Variants in CNTNAP2 observed in about 807,000 individuals in gnomAD.
CNTNAP2 encodes contactin-associated protein-like 2.
In CNTNAP2, 98 loss-of-function variants were observed where a neutral mutation model predicts 155.2. The observed-to-expected ratio is 0.63, with a 90% CI of 0.54 to 0.75. The LOEUF (loss-of-function observed/expected upper bound fraction) is 0.75, where lower values mean the gene tolerates loss of function less well. CNTNAP2 is among the 30% of genes least tolerant of loss of function. CNTNAP2 has a pLI of 0.00. For missense variants in CNTNAP2, 1,727 were observed against 1,688.1 expected (o/e 1.02, Z -0.40); for synonymous variants, 651 against 631.2 (o/e 1.03, Z -0.47).
chr7:146,759,935 T>G (rs1421285926), intron 1 of CNTNAP2, among the ~76,000 whole-genome samples: 7 of 152,106 alleles, frequency 4.6e-5, no homozygotes, highest in African/African-American at 1.7e-4. Flanking sequence ...TATATAAAAA[T>G]AAACCTTCGG....
intron 8 of CNTNAP2, among the ~76,000 whole-genome samples, chr7:147,135,545 A>G (rs1310614527): frequency 6.6e-6 from 1 of 151,818 alleles, no homozygotes; most frequent in Non-Finnish European, 1.5e-5. Context: ...AAAGGGTCTA[A>G]TGAATAATAG....
At chr7:148,232,989 T>C (rs763797618) in intron 20 of CNTNAP2, among the ~76,000 whole-genome samples, 1 of 152,210 alleles carries the variant, frequency 6.6e-6, no homozygotes, top group Non-Finnish European at 1.5e-5. Flanking sequence ...GTAGTAGTTA[T>C]CAGACACCAG....
intron 8 of CNTNAP2, among the ~76,000 whole-genome samples, chr7:147,249,308 A>G (rs1804133108): frequency 6.6e-6 from 1 of 152,122 alleles, no homozygotes; most frequent in Non-Finnish European, 1.5e-5. Flanking sequence ...TCTCAAGTTC[A>G]TGCATATGCA....
At chr7:146,526,552 T>C (rs1002650423) in intron 1 of CNTNAP2, among the ~76,000 whole-genome samples, 1 of 152,118 alleles carries the variant, frequency 6.6e-6, no homozygotes, top group Admixed American at 6.6e-5. Context: ...ACCAAGGGGA[T>C]GGTGCTCAAC....
chr7:146,134,743 G>A lies in CNTNAP2; in HGVS notation c.97+17770G>A, dbSNP rs538334195. Among the ~76,000 whole-genome samples, 757 of 151,698 alleles carry A rather than the reference G, an allele frequency of 5.0e-3. 4 individuals are homozygous for A. The highest frequency in any genetic ancestry group is 0.017 in the African/African-American group (716 of 41,320). On this transcript the variant is annotated intron_variant, in intron 1 of 23. Coordinates refer to ENST00000361727, the MANE Select transcript of CNTNAP2 (RefSeq NM_014141.6). ...GATTTGCGTATATTGAACCAGCCTT[G>A]CATCCCAGGGATGAAGCCCACTTAA...
At chr7:148,013,628 C>G (rs1248904566) in intron 15 of CNTNAP2, among the ~76,000 whole-genome samples, 1 of 152,140 alleles carries the variant, frequency 6.6e-6, no homozygotes, top group East Asian at 1.9e-4. Context: ...TATGCCAACC[C>G]CAGGAAAATC....
intron 12 of CNTNAP2, among the ~76,000 whole-genome samples, chr7:147,588,304 G>A (rs1563010744): frequency 6.6e-6 from 1 of 152,038 alleles, no homozygotes; most frequent in Non-Finnish European, 1.5e-5. Context: ...AGGAGAAGAT[G>A]GGATCATCTC....
At chr7:147,385,821 C>T (rs532924842) in intron 9 of CNTNAP2, among the ~76,000 whole-genome samples, 9 of 152,318 alleles carry the variant, frequency 5.9e-5, no homozygotes, top group African/African-American at 2.2e-4. Flanking sequence ...TAGGCAGTGC[C>T]CCAGTAGAGA....
chr7:147,073,781 G>A (rs190427992), intron 4 of CNTNAP2, among the ~76,000 whole-genome samples: 9 of 152,240 alleles, frequency 5.9e-5, no homozygotes, highest in Admixed American at 5.9e-4. Context: ...ATATTGTCCA[G>A]GAAATTAGTA....
At chr7:146,589,766 T>C (rs1209494771) in intron 1 of CNTNAP2, among the ~76,000 whole-genome samples, 2 of 150,764 alleles carry the variant, frequency 1.3e-5, no homozygotes, top group African/African-American at 4.9e-5. Context: ...CCCCCAAATA[T>C]ATAATGGAAT....
At chr7:146,586,744 G>A (rs556165992) in intron 1 of CNTNAP2, among the ~76,000 whole-genome samples, 2 of 152,254 alleles carry the variant, frequency 1.3e-5, no homozygotes, top group African/African-American at 4.8e-5. Context: ...TTTCAAAGTT[G>A]GTGACAGTTC....
chr7:146,464,185 C>A (rs1367201264), intron 1 of CNTNAP2, among the ~76,000 whole-genome samples: 1 of 90,910 alleles, frequency 1.1e-5, no homozygotes. Context: ...TCCTTTGAAA[C>A]TGTTTTTTTT....
intron 3 of CNTNAP2, among the ~76,000 whole-genome samples, chr7:146,903,334 A>G (rs1585147544): frequency 6.6e-6 from 1 of 152,274 alleles, no homozygotes; most frequent in Non-Finnish European, 1.5e-5. Flanking sequence ...TCTAATTTAT[A>G]ACTCTACCCC....
chr7:147,170,355 C>A (rs1007104058), intron 8 of CNTNAP2, among the ~76,000 whole-genome samples: 1 of 152,010 alleles, frequency 6.6e-6, no homozygotes, highest in African/African-American at 2.4e-5. Flanking sequence ...AGAGGGGTAA[C>A]CCCCTCACCA....
chr7:148,356,731 G>A (rs1321678194), intron 21 of CNTNAP2, among the ~76,000 whole-genome samples: 1 of 151,976 alleles, frequency 6.6e-6, no homozygotes, highest in African/African-American at 2.4e-5. Flanking sequence ...TCTCTCCTGA[G>A]TCCTCACCTT....
At chr7:146,865,646 A>G (rs1316216565) in intron 3 of CNTNAP2, among the ~76,000 whole-genome samples, 2 of 152,186 alleles carry the variant, frequency 1.3e-5, no homozygotes, top group Non-Finnish European at 2.9e-5. Context: ...TGGATCATGT[A>G]CCTAAATGTA....
chr7:148,066,356 C>G (rs1803262167), intron 15 of CNTNAP2, among the ~76,000 whole-genome samples: 1 of 152,178 alleles, frequency 6.6e-6, no homozygotes, highest in South Asian at 2.1e-4. Flanking sequence ...AAGTTTTCCT[C>G]AATTATTTTC....
chr7:146,468,333 C>G (rs747268856), intron 1 of CNTNAP2, among the ~76,000 whole-genome samples: 51 of 151,982 alleles, frequency 3.4e-4, no homozygotes, highest in East Asian at 1.7e-3. Flanking sequence ...AAGTACTATG[C>G]TTAGTACCTG....
chr7:147,486,889 C>CCGTGTGTGTGTGTGTGTGTGTG (rs71527815), intron 11 of CNTNAP2, among the ~76,000 whole-genome samples: 2 of 146,842 alleles, frequency 1.4e-5, no homozygotes, highest in Admixed American at 6.8e-5. Flanking sequence ...ACGTATGTGC[C>CCGTGTGTGTGTGTGTGTGTGTG]TGTGTGTGTG....
Sources: gnomAD v4.1 joint callset for allele counts (sites outside exome capture counted in the v4.1 genomes callset) on GRCh38, gnomAD v4.1.1 for gene constraint, MANE v1.5 for transcripts, NCBI Gene and HGNC (gene_info 2026-07-23, HGNC 2026-07-21) for gene names.